BAHCC1: variants seen among roughly 807,000 people sequenced by gnomAD.
BAHCC1 encodes the protein BAH and coiled-coil domain-containing protein 1.
A neutral mutation model predicts 88.2 loss-of-function variants in BAHCC1; 43 were observed. The ratio of observed to expected loss-of-function variants is 0.49; its 90% CI spans 0.38 to 0.63. The LOEUF (loss-of-function observed/expected upper bound fraction) is 0.63, where lower values mean the gene tolerates loss of function less well. BAHCC1 is among the 20% of genes least tolerant of loss of function. The pLI is 0.00. For missense variants in BAHCC1, 3,023 were observed against 1,654.8 expected, an observed-to-expected ratio of 1.83 and a Z score of -14.34; for synonymous variants, 1,510 against 745.5, an observed-to-expected ratio of 2.03 and a Z score of -16.71.
At chr17:81,416,437 TGC>T (rs1404032146) in intron 2 of BAHCC1, among the ~76,000 whole-genome samples, 1 of 14,128 alleles carries the variant, frequency 7.1e-5, no homozygotes, top group Admixed American at 7.8e-4. Flanking sequence ...TGGGTGTATG[TGC>T]GTGTGTGTGT....
chr17:81,441,668 CAAAA>C (rs11333301), intron 4 of BAHCC1, among the ~76,000 whole-genome samples, 159 bp from the exon 5 acceptor site: 6 of 91,662 alleles, frequency 6.5e-5, no homozygotes, highest in African/African-American at 1.8e-4. Context: ...GACTCCGTCT[CAAAA>C]AAAAAAAAAA....
chr17:81,424,006 C>T (rs555537573), intron 2 of BAHCC1, among the ~76,000 whole-genome samples: 3 of 152,326 alleles, frequency 2.0e-5, no homozygotes, highest in African/African-American at 7.2e-5. Context: ...GAGCGCCATC[C>T]GCAGCTCTGT....
chr17:81,409,876 A>G (rs1555647508), intron 2 of BAHCC1, among the ~76,000 whole-genome samples: 1 of 151,902 alleles, frequency 6.6e-6, no homozygotes, highest in African/African-American at 2.4e-5. Flanking sequence ...GGCCCTTCAC[A>G]TTGTGGGTTT....
intron 21 of BAHCC1, 38 bp from the exon 22 acceptor site, chr17:81,459,215 C>A: frequency 1.3e-6 from 1 of 773,518 alleles, no homozygotes. Context: ...GGAGGGCAAC[C>A]GAGACCCGTG....
At chr17:81,415,566 G>C (rs782302779) in intron 2 of BAHCC1, 6 of 515,620 alleles carry the variant, frequency 1.2e-5, no homozygotes. Flanking sequence ...AGTGACCTGT[G>C]CTGGCCCCAG....
intron 2 of BAHCC1, among the ~76,000 whole-genome samples, chr17:81,407,900 C>T (rs782660068): frequency 1.6e-4 from 24 of 152,342 alleles, no homozygotes; most frequent in African/African-American, 5.3e-4. Context: ...ACTCCAGTGG[C>T]CCCTGGGAAA....
rs2063777774 is a variant in BAHCC1, at chr17:81,399,136, T to A, written c.-206-398T>A. On this transcript the variant is annotated intron_variant, in intron 1 of 27. Coordinates refer to ENST00000675386, the MANE Select transcript of BAHCC1 (RefSeq NM_001377448.1). The surrounding 1 kb of genome is among the most constrained non-coding windows in gnomAD (Gnocchi z 4.5). ...GAGAGGGTGTGCGTGTGAGTGTGTG[T>A]GTGTGTGTGTGTGTGTGCGAGTGTG... 3 of 331,832 alleles carry A rather than the reference T, an allele frequency of 9.0e-6. No homozygotes were observed. Among genetic ancestry groups the A allele is most frequent in the South Asian group, 2.0e-5 (1 of 48,958 alleles). The allele number at this position is 331,832 out of a possible 1,614,324, so 20.6% of individuals were successfully genotyped here.
chr17:81,406,692 C>T (rs1410759751), intron 2 of BAHCC1, among the ~76,000 whole-genome samples: 1 of 152,230 alleles, frequency 6.6e-6, no homozygotes, highest in African/African-American at 2.4e-5. Flanking sequence ...TTACTGCCTC[C>T]CGTGGCCCCA....
rs1390264131 is a variant in BAHCC1, at chr17:81,434,005, C to G, written c.359-4365C>G. On this transcript the variant is annotated intron_variant, in intron 3 of 27. Coordinates refer to ENST00000675386, the MANE Select transcript of BAHCC1 (RefSeq NM_001377448.1). The surrounding 1 kb of genome is among the most constrained non-coding windows in gnomAD (Gnocchi z 4.9). ...GTGGCTGCACGGCAGGGACGTCCTG[C>G]GTGACAGGGACGATGTGCAGAACCT... 6.6e-6 allele frequency among the ~76,000 whole-genome samples: 1 copy of G among 152,146 alleles called. No homozygotes were observed. The highest frequency in any genetic ancestry group is 1.5e-5 in the Non-Finnish European group (1 of 68,010).
chr17:81,413,086 G>A (rs2143281968), intron 2 of BAHCC1: 1 of 440,546 alleles, frequency 2.3e-6, no homozygotes, highest in African/African-American at 2.0e-5. Flanking sequence ...ACATAAAGGT[G>A]AACACCAGGG....
chr17:81,406,982 C>T (rs782146421), intron 2 of BAHCC1: 81 of 456,178 alleles, frequency 1.8e-4, no homozygotes, highest in South Asian at 1.3e-3. Context: ...AAGGGAGGGA[C>T]AAACAGGTGG....
chr17:81,415,876 G>C (rs2064014001), intron 2 of BAHCC1, among the ~76,000 whole-genome samples: 1 of 152,256 alleles, frequency 6.6e-6, no homozygotes, highest in African/African-American at 2.4e-5. Context: ...GAACCATCGA[G>C]GACGGCCCAG....
rs550897489 is a variant in BAHCC1, at chr17:81,411,411, A to G, written c.178+11494A>G. 1.8e-5 allele frequency: 6 copies of G among 341,302 alleles called. No homozygotes were observed. The highest frequency in any genetic ancestry group is 2.9e-5 in the Non-Finnish European group (5 of 173,802). The allele number at this position is 341,302 out of a possible 1,614,324, so 21.1% of individuals were successfully genotyped here. On this transcript the variant is annotated intron_variant, in intron 2 of 27. Coordinates refer to ENST00000675386, the MANE Select transcript of BAHCC1 (RefSeq NM_001377448.1). The surrounding 1 kb of genome is among the most constrained non-coding windows in gnomAD (Gnocchi z 6.2). Reference sequence around the variant, plus strand: ...CTGGCTCCATCCTCCACTGCATTCAAATTGATCAGGGAGGGTGGGGTTGGG... The same window carrying G: ...CTGGCTCCATCCTCCACTGCATTCAGATTGATCAGGGAGGGTGGGGTTGGG...
At chr17:81,458,491 G>A (rs1022177529) in intron 18 of BAHCC1, 25 bp downstream of exon 18, 6 of 679,998 alleles carry the variant, frequency 8.8e-6, no homozygotes, top group African/African-American at 1.8e-5. Context: ...TGGGGTGCTG[G>A]GCGGAGAGGG....
chr17:81,456,625 G>A (rs782559765), intron 16 of BAHCC1, 40 bp downstream of exon 16: 1 of 675,388 alleles, frequency 1.5e-6, no homozygotes, highest in Non-Finnish European at 2.7e-6. Flanking sequence ...AGGAGCCCCG[G>A]TCATGGTCGC....
At position 81,461,874 on chromosome 17, in the gene BAHCC1, C is replaced by G. The variant is rs377022820; in HGVS notation, c.7211C>G (p.Ser2404Ter). The G allele has an allele frequency of 1.4e-6, 1 of 725,526 alleles. No homozygotes were observed. Among genetic ancestry groups the G allele is most frequent in the South Asian group, 1.5e-5 (1 of 68,210 alleles). The allele number at this position is 725,526 out of a possible 1,614,324, so 44.9% of individuals were successfully genotyped here. The change falls in exon 26 of 28, where the codon TCA (serine) becomes TGA (stop). Residue 2404 changes from serine (S) to a stop codon, truncating the protein, a stop_gained. Transcript: ENST00000675386. LOFTEE classifies it high-confidence loss of function. ...RATVAGTGAGSGPSSSSKSKL... is the reference protein window; with the variant it reads ...RATVAGTGAG ...ACGGTGGCTGGCACCGGTGCGGGCT[C>G]AGGCCCCAGCAGCAGCAGCAAATCC...
chr17:81,456,049 C>T lies in BAHCC1; in HGVS notation c.4570-248C>T, dbSNP rs1454502254. On this transcript the variant is annotated intron_variant, in intron 15 of 27. Transcript: ENST00000675386. Reference sequence around the variant, plus strand: ...CCCACAGCCACTGGGCCCTCAGCCTCCTCCATGTCCCCTACGTGGGGTGGG... The same window carrying T: ...CCCACAGCCACTGGGCCCTCAGCCTTCTCCATGTCCCCTACGTGGGGTGGG... The T allele has an allele frequency of 2.5e-5, 13 of 519,586 alleles. No homozygotes were observed. In the Admixed American group the frequency reaches 3.5e-4, roughly 14 times the overall value. 32.2% of individuals were successfully genotyped at this position (519,586 alleles called of 1,614,324 possible). A position where few individuals can be genotyped will look rare whatever the true frequency, so the allele number is the denominator to read the frequency against.
chr17:81,402,910 G>A (rs1378577177), intron 2 of BAHCC1: 1 of 152,228 alleles, frequency 6.6e-6, no homozygotes, highest in Non-Finnish European at 1.5e-5. Flanking sequence ...TCGGGCCGCA[G>A]GTTTTATGGT....
At position 81,456,211 on chromosome 17, in the gene BAHCC1, G is replaced by A. The variant is rs1333885769; in HGVS notation, c.4570-86G>A. On this transcript the variant is annotated intron_variant, in intron 15 of 27. Coordinates refer to ENST00000675386, the MANE Select transcript of BAHCC1 (RefSeq NM_001377448.1). ...CCTCGAGGTACCAGTTCTGAGCCGG[G>A]CATCAACAGAGAGGCACCTAACCGC... 5 of 658,730 alleles carry A rather than the reference G, an allele frequency of 7.6e-6. No individual in the cohort carries two copies. In the African/African-American group the frequency reaches 9.2e-5, roughly 12 times the overall value. 40.8% of individuals were successfully genotyped at this position (658,730 alleles called of 1,614,324 possible).
Sources: gnomAD v4.1 joint callset for allele counts (sites outside exome capture counted in the v4.1 genomes callset) on GRCh38, gnomAD v4.1.1 for gene constraint, Gnocchi (gnomAD v3.1) non-coding constraint, MANE v1.5 for transcripts, NCBI Gene and HGNC (gene_info 2026-07-23, HGNC 2026-07-21) for gene names.